Variants in CCDC126 observed in about 807,000 individuals in gnomAD.
CCDC126 encodes the protein coiled-coil domain containing 126.
In CCDC126, 5 loss-of-function variants were observed where a neutral mutation model predicts 11.7. The observed-to-expected ratio is 0.43, with a 90% CI of 0.22 to 0.90. The LOEUF (loss-of-function observed/expected upper bound fraction) is 0.90. Ranked by LOEUF, CCDC126 falls within the 40% of genes least tolerant of loss-of-function variation. The probability of loss-of-function intolerance (pLI) is 0.27; values close to 1 mark genes in which losing one functional copy is unlikely to be tolerated. For missense variants in CCDC126, 150 were observed against 163.1 expected (o/e 0.92, Z 0.44); for synonymous variants, 60 against 61.9 (o/e 0.97, Z 0.14).
In CCDC126 at chr7:23,597,408, G is replaced by C. The variant is rs1019492026; in HGVS notation, c.-428G>C. On this transcript the variant is annotated 5_prime_UTR_variant, in exon 1 of 4. Transcript: ENST00000307471. ...AGGCGGAGCGGAAGCCGAGTGCGAG[G>C]GACGAGCGGAGTAAAATCTCCACAA... 6.5e-6 allele frequency: 1 copy of C among 152,800 alleles called. No individual in the cohort carries two copies. The allele number at this position is 152,800 out of a possible 1,614,324, so 9.5% of individuals were successfully genotyped here.
intron 3 of CCDC126, among the ~76,000 whole-genome samples, chr7:23,634,538 T>C (rs1036241578): frequency 4.6e-5 from 7 of 152,206 alleles, no homozygotes; most frequent in African/African-American, 1.7e-4. Context: ...TGTGTGCTTA[T>C]GTTTGTGCCA....
chr7:23,635,890 C>T (rs1226468708), intron 3 of CCDC126, among the ~76,000 whole-genome samples: 1 of 151,610 alleles, frequency 6.6e-6, no homozygotes, highest in Non-Finnish European at 1.5e-5. Flanking sequence ...TCTCCCTCTC[C>T]CTCTCCCCAC....
At chr7:23,607,477 C>CT (rs1323191499) in intron 2 of CCDC126, among the ~76,000 whole-genome samples, 1 of 152,112 alleles carries the variant, frequency 6.6e-6, no homozygotes, top group East Asian at 1.9e-4. Flanking sequence ...CTTTCCTTTC[C>CT]TTTTTTTTCT....
intron 1 of CCDC126, 145 bp downstream of exon 1, chr7:23,597,750 G>C (rs1782448290): frequency 6.6e-6 from 1 of 152,192 alleles, no homozygotes; most frequent in Non-Finnish European, 1.5e-5. Flanking sequence ...GCTTAGGAAC[G>C]GGCCGGCAGC....
At chr7:23,609,527 C>A (rs1036101725) in intron 2 of CCDC126, among the ~76,000 whole-genome samples, 1 of 152,122 alleles carries the variant, frequency 6.6e-6, no homozygotes, top group Admixed American at 6.6e-5. Context: ...AGTCCCCAGA[C>A]AGGAGGGGGG....
intron 3 of CCDC126, among the ~76,000 whole-genome samples, chr7:23,623,240 G>A (rs1160816348): frequency 6.6e-6 from 1 of 151,794 alleles, no homozygotes; most frequent in Non-Finnish European, 1.5e-5. Flanking sequence ...GGGATTGCAG[G>A]CATGAGCCAC....
At chr7:23,638,532 G>A (rs1171059583) in intron 3 of CCDC126, among the ~76,000 whole-genome samples, 1 of 120,912 alleles carries the variant, frequency 8.3e-6, no homozygotes, top group African/African-American at 3.4e-5. Flanking sequence ...CTCGTTAAGA[G>A]TCATCACCAC....
chr7:23,629,174 AT>A (rs1346911507), intron 3 of CCDC126, among the ~76,000 whole-genome samples: 4 of 152,242 alleles, frequency 2.6e-5, no homozygotes, highest in African/African-American at 9.6e-5. Context: ...CAAAATTCAT[AT>A]GTTGAAACCT....
At position 23,611,242 on chromosome 7, in the gene CCDC126, T is replaced by A. The variant is rs187784437; in HGVS notation, c.-74T>A. The A allele has an allele frequency of 9.7e-4, 867 of 893,040 alleles. 5 individuals are homozygous for A. Among genetic ancestry groups the A allele is most frequent in the African/African-American group, 7.8e-3 (467 of 59,830 alleles). The allele number at this position is 893,040 out of a possible 1,614,324, so 55.3% of individuals were successfully genotyped here. A position where few individuals can be genotyped will look rare whatever the true frequency, so the allele number is the denominator to read the frequency against. ...TATTGAGGATATTTTTTTCTTTTTTTTTTCAAGTCTTGATTTGTGGCTTAC... is the reference window on the plus strand; with the variant it reads ...TATTGAGGATATTTTTTTCTTTTTTATTTCAAGTCTTGATTTGTGGCTTAC... On this transcript the variant is annotated 5_prime_UTR_variant, in exon 3 of 4. Transcript: ENST00000307471.
intron 3 of CCDC126, among the ~76,000 whole-genome samples, chr7:23,640,774 A>G (rs945083780): frequency 3.3e-5 from 5 of 152,102 alleles, no homozygotes; most frequent in African/African-American, 1.2e-4. Context: ...TTCACTTAGC[A>G]TAACGTTTTC....
intron 3 of CCDC126, among the ~76,000 whole-genome samples, chr7:23,638,953 A>G (rs1251946140): frequency 6.6e-6 from 1 of 150,974 alleles, no homozygotes; most frequent in African/African-American, 2.4e-5. Flanking sequence ...TGCCATGGAA[A>G]AGGAGATCCA....
intron 2 of CCDC126, among the ~76,000 whole-genome samples, chr7:23,601,569 T>C (rs1313301749): frequency 1.3e-5 from 2 of 152,252 alleles, no homozygotes; most frequent in African/African-American, 2.4e-5. Context: ...AGTGGAGTCC[T>C]GTGCTGAAAG....
intron 3 of CCDC126, among the ~76,000 whole-genome samples, chr7:23,614,952 A>T (rs1584200161): frequency 6.6e-6 from 1 of 152,308 alleles, no homozygotes. Flanking sequence ...TAGGATTTTC[A>T]GCATGATAAA....
At chr7:23,598,418 T>C (rs1191612463) in intron 2 of CCDC126, 1 of 152,230 alleles carries the variant, frequency 6.6e-6, no homozygotes, top group Admixed American at 6.5e-5. Flanking sequence ...ACCAAAGGAT[T>C]CATTAAAATA....
At chr7:23,620,186 A>G (rs1373118479) in intron 3 of CCDC126, among the ~76,000 whole-genome samples, 1 of 152,210 alleles carries the variant, frequency 6.6e-6, no homozygotes, top group Non-Finnish European at 1.5e-5. Context: ...GAACTAGTTT[A>G]CAGTCCCACC....
chr7:23,620,113 G>C (rs1190889716), intron 3 of CCDC126, among the ~76,000 whole-genome samples: 3 of 152,126 alleles, frequency 2.0e-5, no homozygotes, highest in African/African-American at 7.2e-5. Flanking sequence ...GGGATGGTTG[G>C]GTCAAATGGT....
At chr7:23,619,497 AT>A (rs1782853427) in intron 3 of CCDC126, 5 of 368,754 alleles carry the variant, frequency 1.4e-5, no homozygotes, top group South Asian at 5.2e-5. Context: ...CTTCCTGCCT[AT>A]TTTTCCAATG....
chr7:23,631,441 T>C (rs1370475262), intron 3 of CCDC126, among the ~76,000 whole-genome samples: 1 of 152,144 alleles, frequency 6.6e-6, no homozygotes. Context: ...CCACCCAATA[T>C]GAAATAGATA....
At position 23,644,108 on chromosome 7, in the gene CCDC126, A is replaced by T. The variant is rs1783417675; in HGVS notation, c.*993A>T. 1 of 151,996 alleles carries T rather than the reference A, an allele frequency of 6.6e-6. No homozygotes were observed. The highest frequency in any genetic ancestry group is 2.1e-4 in the South Asian group (1 of 4,826). The allele number at this position is 151,996 out of a possible 1,614,324, so 9.4% of individuals were successfully genotyped here. A position where few individuals can be genotyped will look rare whatever the true frequency, so the allele number is the denominator to read the frequency against. On this transcript the variant is annotated 3_prime_UTR_variant, in exon 4 of 4. Transcript: ENST00000307471. Reference sequence around the variant, plus strand: ...ATTAAATTGCTTGGAAAATGTTAACATTATATTATATAAGAGTATCCTTTA... The same window carrying T: ...ATTAAATTGCTTGGAAAATGTTAACTTTATATTATATAAGAGTATCCTTTA...
Sources: gnomAD v4.1 joint callset for allele counts (sites outside exome capture counted in the v4.1 genomes callset) on GRCh38, gnomAD v4.1.1 for gene constraint, MANE v1.5 for transcripts, NCBI Gene and HGNC (gene_info 2026-07-23, HGNC 2026-07-21) for gene names.